The following DYNC1I1 variants were observed in gnomAD, a reference collection of about 807,000 sequenced individuals.
The protein encoded by DYNC1I1 is cytoplasmic dynein 1 intermediate chain 1.
Under a neutral mutation model 86.6 loss-of-function variants are expected in DYNC1I1, and 43 were observed. The ratio of observed to expected loss-of-function variants is 0.50; its 90% CI spans 0.39 to 0.64. The LOEUF (loss-of-function observed/expected upper bound fraction) is 0.64. Ranked by LOEUF, DYNC1I1 falls within the 30% of genes least tolerant of loss-of-function variation. The pLI, the probability that DYNC1I1 is intolerant of heterozygous loss-of-function variation, is 0.00. For missense variants in DYNC1I1, 604 were observed against 788.8 expected, an observed-to-expected ratio of 0.77 and a Z score of 2.81; for synonymous variants, 262 against 283.7, an observed-to-expected ratio of 0.92 and a Z score of 0.77.
chr7:96,096,837 T>C, intron 16 of DYNC1I1, among the ~76,000 whole-genome samples: 1 of 152,154 alleles, frequency 6.6e-6, no homozygotes, highest in East Asian at 1.9e-4. Flanking sequence ...TCTGTGCCTC[T>C]AATATAGGAA....
intron 6 of DYNC1I1, among the ~76,000 whole-genome samples, chr7:95,958,874 G>A (rs1792788527): frequency 6.6e-6 from 1 of 152,180 alleles, no homozygotes; most frequent in Non-Finnish European, 1.5e-5. Flanking sequence ...GACCAGGAAG[G>A]AAGAAATAAA....
intron 6 of DYNC1I1, among the ~76,000 whole-genome samples, chr7:95,886,788 T>C (rs146370607): frequency 6.6e-6 from 1 of 152,230 alleles, no homozygotes; most frequent in Non-Finnish European, 1.5e-5. Flanking sequence ...CAGTTTTATC[T>C]GGAGAACATA....
At chr7:95,777,242 G>A (rs1793865586) in intron 1 of DYNC1I1, among the ~76,000 whole-genome samples, 1 of 152,166 alleles carries the variant, frequency 6.6e-6, no homozygotes, top group African/African-American at 2.4e-5. Context: ...TTTAACTTAA[G>A]GTGAGTTGAA....
At chr7:95,969,358 G>T (rs943428261) in intron 6 of DYNC1I1, among the ~76,000 whole-genome samples, 1 of 152,182 alleles carries the variant, frequency 6.6e-6, no homozygotes, top group Non-Finnish European at 1.5e-5. Context: ...CAATACTGGA[G>T]AATTAAGTTA....
intron 10 of DYNC1I1, among the ~76,000 whole-genome samples, chr7:96,007,916 C>G (rs1794180950): frequency 2.0e-5 from 3 of 152,168 alleles, no homozygotes; most frequent in African/African-American, 7.2e-5. Flanking sequence ...CCTGAGGGGC[C>G]ACAGTCCATT....
intron 5 of DYNC1I1, among the ~76,000 whole-genome samples, chr7:95,853,561 CTTTT>C (rs905097167): frequency 1.3e-5 from 2 of 152,142 alleles, no homozygotes; most frequent in African/African-American, 4.8e-5. Flanking sequence ...TTTATTAGGA[CTTTT>C]TTTGTGGCCT....
chr7:95,928,187 A>C (rs535684711), intron 6 of DYNC1I1, among the ~76,000 whole-genome samples: 54 of 152,326 alleles, frequency 3.5e-4, no homozygotes, highest in African/African-American at 1.3e-3. Flanking sequence ...ATTTCTGTAG[A>C]TATTTCCTGG....
chr7:95,877,956 T>C (rs1190823094), intron 6 of DYNC1I1, among the ~76,000 whole-genome samples: 3 of 152,182 alleles, frequency 2.0e-5, no homozygotes, highest in African/African-American at 7.2e-5. Context: ...ACTATGCACA[T>C]GCCCAAGGCT....
chr7:95,841,466 C>T (rs913611246), intron 5 of DYNC1I1, among the ~76,000 whole-genome samples: 2 of 152,098 alleles, frequency 1.3e-5, no homozygotes, highest in Admixed American at 6.5e-5. Flanking sequence ...AGTCATGGGA[C>T]GAGCCTGCAA....
At chr7:95,969,341 C>T (rs910645648) in intron 6 of DYNC1I1, among the ~76,000 whole-genome samples, 6 of 152,160 alleles carry the variant, frequency 3.9e-5, no homozygotes, top group African/African-American at 1.2e-4. Context: ...GGCTGCTCTG[C>T]TCTGAGCAAT....
At chr7:95,899,016 A>G (rs567661615) in intron 6 of DYNC1I1, among the ~76,000 whole-genome samples, 2 of 152,340 alleles carry the variant, frequency 1.3e-5, no homozygotes, top group African/African-American at 4.8e-5. Flanking sequence ...TTTTGTCACC[A>G]AGTAAAGGTA....
chr7:96,052,900 T>G (rs1316262031), intron 14 of DYNC1I1, among the ~76,000 whole-genome samples: 1 of 152,136 alleles, frequency 6.6e-6, no homozygotes, highest in Non-Finnish European at 1.5e-5. Flanking sequence ...AGACTGAAGG[T>G]GGGCAGTAAG....
At chr7:96,067,900 G>A (rs1285058078) in intron 14 of DYNC1I1, among the ~76,000 whole-genome samples, 1 of 151,970 alleles carries the variant, frequency 6.6e-6, no homozygotes, top group Non-Finnish European at 1.5e-5. Flanking sequence ...AAGAGAGAGA[G>A]AGAATGAGAG....
At chr7:96,094,098 C>T (rs966600479) in intron 16 of DYNC1I1, among the ~76,000 whole-genome samples, 7 of 151,838 alleles carry the variant, frequency 4.6e-5, no homozygotes, top group African/African-American at 1.7e-4. Flanking sequence ...TTTTTAATGC[C>T]AGTATTCACA....
At chr7:95,816,783 A>G (rs1794956627) in intron 4 of DYNC1I1, among the ~76,000 whole-genome samples, 1 of 152,242 alleles carries the variant, frequency 6.6e-6, no homozygotes. Context: ...CATATAATTT[A>G]GCATACAAAA....
chr7:96,065,322 C>T (rs1789935989), intron 14 of DYNC1I1, among the ~76,000 whole-genome samples: 2 of 151,716 alleles, frequency 1.3e-5, no homozygotes, highest in Admixed American at 6.6e-5. Flanking sequence ...TCAAAATTTC[C>T]TCCATAGTCC....
chr7:96,108,164 G>A (rs1428491784), intron 16 of DYNC1I1, among the ~76,000 whole-genome samples: 1 of 151,960 alleles, frequency 6.6e-6, no homozygotes, highest in Non-Finnish European at 1.5e-5. Context: ...AATGTTGAAT[G>A]TTGTCAAATA....
intron 6 of DYNC1I1, among the ~76,000 whole-genome samples, chr7:95,913,032 C>T (rs773282979): frequency 2.0e-5 from 3 of 152,162 alleles, no homozygotes; most frequent in Non-Finnish European, 4.4e-5. Flanking sequence ...TGCTCTACCA[C>T]TATTGGCAAA....
intron 14 of DYNC1I1, among the ~76,000 whole-genome samples, chr7:96,042,127 C>T (rs1020420701): frequency 1.3e-5 from 2 of 152,026 alleles, no homozygotes; most frequent in East Asian, 1.9e-4. Flanking sequence ...TTCTAGTACT[C>T]ATATTGCTGG....
Sources: gnomAD v4.1 joint callset for allele counts (sites outside exome capture counted in the v4.1 genomes callset) on GRCh38, gnomAD v4.1.1 for gene constraint, MANE v1.5 for transcripts, NCBI Gene and HGNC (gene_info 2026-07-23, HGNC 2026-07-21) for gene names.